The following BICC1 variants were observed in gnomAD, a reference collection of about 807,000 sequenced individuals.
The protein encoded by BICC1 is BicC family RNA binding protein 1, also known as protein bicaudal C homolog 1.
A neutral mutation model predicts 111.0 loss-of-function variants in BICC1; 43 were observed. That is an observed-to-expected ratio of 0.39 (90% confidence interval 0.30 to 0.50). The LOEUF (loss-of-function observed/expected upper bound fraction) is 0.50. Ranked by LOEUF, BICC1 falls within the 20% of genes least tolerant of loss-of-function variation. The pLI, the probability that BICC1 is intolerant of heterozygous loss-of-function variation, is 0.88. For missense variants in BICC1, 1,091 were observed against 1,203.2 expected (o/e 0.91, Z 1.38); for synonymous variants, 467 against 434.4 (o/e 1.07, Z -0.93).
intron 1 of BICC1, among the ~76,000 whole-genome samples, chr10:58,599,163 G>T (rs1844938879): frequency 6.6e-6 from 1 of 152,118 alleles, no homozygotes; most frequent in Non-Finnish European, 1.5e-5. Context: ...TATACCCAGA[G>T]GATTATAAAT....
intron 3 of BICC1, among the ~76,000 whole-genome samples, chr10:58,755,456 A>G (rs914942815): frequency 6.6e-5 from 10 of 152,178 alleles, no homozygotes; most frequent in Non-Finnish European, 1.2e-4. Flanking sequence ...ATTTCACATT[A>G]CAGTACATTT....
At position 58,658,074 on chromosome 10, in the gene BICC1, C is replaced by G. The variant is rs77381279; in HGVS notation, c.237+37173C>G. Among the ~76,000 whole-genome samples the G allele has an allele frequency of 4.2e-3, 638 of 152,272 alleles. 3 individuals are homozygous for G. The highest frequency in any genetic ancestry group is 0.015 in the African/African-American group (607 of 41,550). ...TGGTGAATGATGAGTTTTTTCACTA[C>G]GACACCACCATTATCCCCTTTGTAA... On this transcript the variant is annotated intron_variant, in intron 2 of 20. Transcript: ENST00000373886.
At chr10:58,726,096 T>C (rs1345475804) in intron 3 of BICC1, among the ~76,000 whole-genome samples, 2 of 152,248 alleles carry the variant, frequency 1.3e-5, no homozygotes, top group African/African-American at 4.8e-5. Flanking sequence ...GTAATTTTAA[T>C]TAGACTGCAA....
intron 2 of BICC1, among the ~76,000 whole-genome samples, chr10:58,680,348 CA>C (rs1839479390): frequency 1.3e-5 from 2 of 152,132 alleles, no homozygotes; most frequent in African/African-American, 4.8e-5. Context: ...TCTCAGGATA[CA>C]AAATGTGCAA....
intron 1 of BICC1, among the ~76,000 whole-genome samples, chr10:58,581,254 C>T (rs1487169963): frequency 6.6e-6 from 1 of 151,924 alleles, no homozygotes; most frequent in Non-Finnish European, 1.5e-5. Context: ...AATAGTAGTG[C>T]TTTGCTAAAT....
At chr10:58,628,500 A>AT (rs946988539) in intron 2 of BICC1, among the ~76,000 whole-genome samples, 2 of 151,988 alleles carry the variant, frequency 1.3e-5, no homozygotes, top group Non-Finnish European at 2.9e-5. Context: ...TTTTTTTAAG[A>AT]TTTTTTTACA....
intron 2 of BICC1, among the ~76,000 whole-genome samples, chr10:58,641,720 T>C (rs1231004842): frequency 6.6e-6 from 1 of 152,220 alleles, no homozygotes; most frequent in African/African-American, 2.4e-5. Flanking sequence ...GGGTTAACAA[T>C]GTGGTTATAT....
chr10:58,794,163 TTTTGTGTGTGTGTGTG>T lies in BICC1; in HGVS notation c.1179+550_1179+565del, dbSNP rs1298620388. On this transcript the variant is annotated intron_variant, in intron 9 of 20. Coordinates refer to ENST00000373886, the MANE Select transcript of BICC1 (RefSeq NM_001080512.3). ...AAGAGTTGATAAGGCTACTTACATG[TTTTGTGTGTGTGTGTG>T]TGTGTGTGTGTGTGTGTGTGTGTGT... Among the ~76,000 whole-genome samples, 45 of 133,300 alleles carry T rather than the reference TTTTGTGTGTGTGTGTG, an allele frequency of 3.4e-4. 1 individual carries two copies. Among genetic ancestry groups the T allele is most frequent in the African/African-American group, 1.4e-3 (45 of 32,608 alleles). The allele number at this position is 133,300 out of a possible 152,430, so 87.4% of individuals were successfully genotyped here.
intron 1 of BICC1, among the ~76,000 whole-genome samples, chr10:58,559,108 C>A (rs542619259): frequency 6.5e-5 from 3 of 46,184 alleles, no homozygotes; most frequent in Non-Finnish European, 1.9e-4. Flanking sequence ...TAATAACCAC[C>A]CCCCCAGGAC....
chr10:58,642,014 C>T (rs1206651360), intron 2 of BICC1, among the ~76,000 whole-genome samples: 1 of 152,136 alleles, frequency 6.6e-6, no homozygotes, highest in African/African-American at 2.4e-5. Flanking sequence ...GCAGGGAAGA[C>T]ACAATTTGAA....
chr10:58,779,752 A>G (rs538170229), intron 3 of BICC1, among the ~76,000 whole-genome samples: 5 of 152,332 alleles, frequency 3.3e-5, no homozygotes, highest in African/African-American at 9.6e-5. Context: ...GGAAATCTGT[A>G]GTCGATTGCC....
intron 2 of BICC1, among the ~76,000 whole-genome samples, chr10:58,695,586 C>T (rs1840044025): frequency 6.6e-6 from 1 of 152,098 alleles, no homozygotes; most frequent in Non-Finnish European, 1.5e-5. Flanking sequence ...TATAAATAGA[C>T]CTGTCTTGGG....
intron 17 of BICC1, among the ~76,000 whole-genome samples, chr10:58,807,851 T>TA (rs1314419062): frequency 6.6e-6 from 1 of 152,116 alleles, no homozygotes; most frequent in Non-Finnish European, 1.5e-5. Flanking sequence ...CGTGCACACA[T>TA]ACACAATGCT....
rs545985341 is a variant in BICC1, at chr10:58,631,498, T to C, written c.237+10597T>C. Among the ~76,000 whole-genome samples, 6 of 150,216 alleles carry C rather than the reference T, an allele frequency of 4.0e-5. No individual in the cohort carries two copies. In the South Asian group the frequency reaches 1.2e-3, roughly 31 times the overall value. ...AATTTCATTATCTTTCTTCTTTCTT[T>C]TTTTTTGTGAAATCAAAATTATCAA... is the stretch of plus-strand genomic sequence containing the variant. On this transcript the variant is annotated intron_variant, in intron 2 of 20. Transcript: ENST00000373886.
chr10:58,820,268 G>T, intron 19 of BICC1, 101 bp from the exon 20 acceptor site: 1 of 731,790 alleles, frequency 1.4e-6, no homozygotes, highest in South Asian at 1.7e-5. Context: ...GAAGTAGGCA[G>T]AGCATAATTA....
intron 2 of BICC1, among the ~76,000 whole-genome samples, chr10:58,675,702 T>C (rs1334388335): frequency 6.6e-6 from 1 of 152,250 alleles, no homozygotes; most frequent in Non-Finnish European, 1.5e-5. Flanking sequence ...TGGCGATGGA[T>C]GTGTTAATTA....
chr10:58,694,103 A>G (rs1182334224), intron 2 of BICC1, among the ~76,000 whole-genome samples: 1 of 152,156 alleles, frequency 6.6e-6, no homozygotes, highest in Non-Finnish European at 1.5e-5. Context: ...ATAATCAGCA[A>G]TGTCAGCATT....
At chr10:58,632,063 GT>G (rs1837809918) in intron 2 of BICC1, among the ~76,000 whole-genome samples, 1 of 152,148 alleles carries the variant, frequency 6.6e-6, no homozygotes, top group African/African-American at 2.4e-5. Context: ...GGAAGTGATA[GT>G]TTTCGGTATG....
At chr10:58,611,037 G>A (rs1038521140) in intron 1 of BICC1, among the ~76,000 whole-genome samples, 6 of 152,176 alleles carry the variant, frequency 3.9e-5, no homozygotes, top group African/African-American at 7.2e-5. Context: ...CTGATATTGC[G>A]TTAGTCATTG....
Sources: allele counts gnomAD v4.1 joint callset (sites outside exome capture counted in the v4.1 genomes callset), GRCh38; gene constraint gnomAD v4.1.1; transcripts MANE v1.5; gene names NCBI Gene and HGNC (gene_info 2026-07-23, HGNC 2026-07-21).